The following ANKFN1 variants were observed in gnomAD, a reference collection of about 807,000 sequenced individuals.
The protein encoded by ANKFN1 is ankyrin repeat and fibronectin type-III domain-containing protein 1.
Under a neutral mutation model 108.7 loss-of-function variants are expected in ANKFN1, and 74 were observed. The observed-to-expected ratio is 0.68, with a 90% CI of 0.56 to 0.83. The LOEUF is 0.83. ANKFN1 is among the 40% of genes least tolerant of loss of function. The pLI is 0.00. For synonymous variants in ANKFN1, 547 were observed against 516.2 expected (o/e 1.06, Z -0.81); for missense variants, 1,505 against 1,382.3 (o/e 1.09, Z -1.41).
chr17:56,460,011 G>A (rs185709572), intron 14 of ANKFN1, among the ~76,000 whole-genome samples: 368 of 149,642 alleles, frequency 2.5e-3, no homozygotes, highest in Non-Finnish European at 4.1e-3. Context: ...AAAATCCCAC[G>A]CCTGGATGAA....
chr17:56,413,392 C>T (rs1039239683), intron 8 of ANKFN1, among the ~76,000 whole-genome samples: 2 of 152,104 alleles, frequency 1.3e-5, no homozygotes, highest in Admixed American at 6.5e-5. Flanking sequence ...GACTTCCTCT[C>T]CTCCTATTTG....
intron 15 of ANKFN1, among the ~76,000 whole-genome samples, chr17:56,476,595 G>C (rs2050507681): frequency 6.6e-6 from 1 of 152,284 alleles, no homozygotes; most frequent in East Asian, 1.9e-4. Context: ...ATGATGTAGA[G>C]ACCTAATCAA....
chr17:56,150,463 G>A (rs570755533), upstream of ANKFN1, among the ~76,000 whole-genome samples: 14 of 152,208 alleles, frequency 9.2e-5, no homozygotes, highest in African/African-American at 2.6e-4. Context: ...AAAGCCCACT[G>A]CCCTCATTTG....
At chr17:56,107,823 G>A (rs1905779593) in intron 4 of ANKFN1, among the ~76,000 whole-genome samples, 1 of 152,100 alleles carries the variant, frequency 6.6e-6, no homozygotes, top group African/African-American at 2.4e-5. Flanking sequence ...CGCATTCACT[G>A]TCACTGCATT....
chr17:56,377,971 C>T (rs560543438), intron 8 of ANKFN1, among the ~76,000 whole-genome samples: 4 of 152,238 alleles, frequency 2.6e-5, no homozygotes, highest in East Asian at 1.9e-4. Context: ...TATCCTTGCC[C>T]GTGTCTTTTC....
chr17:56,440,099 A>G (rs1240203513), intron 8 of ANKFN1, among the ~76,000 whole-genome samples: 1 of 152,082 alleles, frequency 6.6e-6, no homozygotes, highest in Non-Finnish European at 1.5e-5. Context: ...AAAAAAACTG[A>G]TAAGTTTTTA....
intron 8 of ANKFN1, among the ~76,000 whole-genome samples, chr17:56,436,781 G>A (rs1459294521): frequency 6.7e-6 from 1 of 149,892 alleles, no homozygotes; most frequent in African/African-American, 2.5e-5. Flanking sequence ...AGGTTGCAGT[G>A]AGCTGAGATC....
intron 4 of ANKFN1, among the ~76,000 whole-genome samples, chr17:56,071,250 T>A (rs916198512): frequency 9.2e-5 from 14 of 152,196 alleles, no homozygotes; most frequent in African/African-American, 3.1e-4. Flanking sequence ...TGGGCTGAGT[T>A]TTGCTCTCAT....
intron 4 of ANKFN1, among the ~76,000 whole-genome samples, chr17:56,068,372 G>T (rs1905084757): frequency 6.6e-6 from 1 of 152,224 alleles, no homozygotes; most frequent in Admixed American, 6.5e-5. Flanking sequence ...GAAGCTGGAA[G>T]AAGGAAGGAG....
intron 8 of ANKFN1, among the ~76,000 whole-genome samples, chr17:56,404,668 G>A (rs1294812857): frequency 6.6e-6 from 1 of 152,038 alleles, no homozygotes; most frequent in African/African-American, 2.4e-5. Flanking sequence ...GGTAAATCAG[G>A]GATTTCTTCT....
chr17:56,200,468 T>C (rs541514410), intron 1 of ANKFN1, among the ~76,000 whole-genome samples: 1 of 152,350 alleles, frequency 6.6e-6, no homozygotes, highest in South Asian at 2.1e-4. Context: ...AAGCATTGTT[T>C]TAGCGGTGAG....
intron 2 of ANKFN1, among the ~76,000 whole-genome samples, chr17:56,220,828 A>G (rs867987827): frequency 0.091 from 3,754 of 41,462 alleles, 143 homozygotes; most frequent in African/African-American, 0.18. Context: ...GGAAGGAAGG[A>G]AGGGAGGAAG....
intron 4 of ANKFN1, among the ~76,000 whole-genome samples, chr17:56,139,117 A>G (rs566000873): frequency 6.6e-6 from 1 of 152,312 alleles, no homozygotes; most frequent in South Asian, 2.1e-4. Flanking sequence ...TTTCGTTAAC[A>G]TTTGTATGTT....
intron 8 of ANKFN1, among the ~76,000 whole-genome samples, chr17:56,377,501 C>T (rs1005522348): frequency 1.3e-5 from 2 of 151,912 alleles, no homozygotes; most frequent in African/African-American, 2.4e-5. Flanking sequence ...GATCTACTCT[C>T]TGTTTCTAGG....
intron 8 of ANKFN1, among the ~76,000 whole-genome samples, chr17:56,390,746 G>T (rs1286158176): frequency 6.6e-6 from 1 of 152,048 alleles, no homozygotes; most frequent in Non-Finnish European, 1.5e-5. Context: ...ATTCTAACTG[G>T]CATGAGATGG....
intron 4 of ANKFN1, among the ~76,000 whole-genome samples, chr17:56,340,066 C>CT (rs1420546435): frequency 6.6e-6 from 1 of 151,986 alleles, no homozygotes; most frequent in Non-Finnish European, 1.5e-5. Context: ...TAATGATGAG[C>CT]TTTTTTCATA....
intron 3 of ANKFN1, among the ~76,000 whole-genome samples, chr17:56,256,762 T>A (rs998008083): frequency 8.5e-5 from 13 of 152,124 alleles, no homozygotes; most frequent in Admixed American, 8.5e-4. Flanking sequence ...AAAATTAAGT[T>A]CACATATATA....
At chr17:56,276,493 C>T (rs1255548053) in intron 3 of ANKFN1, among the ~76,000 whole-genome samples, 1 of 152,220 alleles carries the variant, frequency 6.6e-6, no homozygotes, top group East Asian at 1.9e-4. Flanking sequence ...TCCTATTTCT[C>T]CACATCCTCT....
At chr17:56,364,672 G>T (rs16957121) in intron 6 of ANKFN1, among the ~76,000 whole-genome samples, 2,323 of 152,298 alleles carry the variant, frequency 0.015, 63 homozygotes, top group African/African-American at 0.053. Flanking sequence ...AGTTCCAAAA[G>T]TTCCTTTCTG....
Sources: allele counts gnomAD v4.1 joint callset (sites outside exome capture counted in the v4.1 genomes callset), GRCh38; gene constraint gnomAD v4.1.1; transcripts MANE v1.5; gene names NCBI Gene and HGNC (gene_info 2026-07-23, HGNC 2026-07-21).